SEMA3D: variants seen among roughly 807,000 people sequenced by gnomAD.
SEMA3D encodes semaphorin-3D.
In SEMA3D, 84 loss-of-function variants were observed where a neutral mutation model predicts 100.1. The ratio of observed to expected loss-of-function variants is 0.84; its 90% CI spans 0.70 to 1.01. The LOEUF (loss-of-function observed/expected upper bound fraction) is 1.01. Among genes scored for constraint, SEMA3D ranks in the 50% least tolerant of loss-of-function variants. The pLI is 0.00. For synonymous variants in SEMA3D, 312 were observed against 320.7 expected (o/e 0.97, Z 0.29); for missense variants, 875 against 934.1 (o/e 0.94, Z 0.82).
chr7:85,040,893 GT>G (rs1790841991), intron 10 of SEMA3D, 151 bp from the exon 11 acceptor site: 3 of 544,064 alleles, frequency 5.5e-6, no homozygotes, highest in Admixed American at 3.6e-5. Context: ...ATATAAGATT[GT>G]TTTTTCTCAA....
chr7:85,009,847 A>G (rs1789902658), intron 17 of SEMA3D, among the ~76,000 whole-genome samples: 1 of 151,860 alleles, frequency 6.6e-6, no homozygotes, highest in Non-Finnish European at 1.5e-5. Flanking sequence ...TAACACACTA[A>G]CATCATTTTA....
At chr7:85,166,442 TG>T (rs1443658008) in intron 1 of SEMA3D, among the ~76,000 whole-genome samples, 5 of 151,984 alleles carry the variant, frequency 3.3e-5, no homozygotes, top group African/African-American at 1.2e-4. Context: ...GAAAACTTGC[TG>T]AAGTGATTGG....
the SEMA3D span, among the ~76,000 whole-genome samples, chr7:85,228,787 G>C: frequency 1.4e-4 from 21 of 151,844 alleles, no homozygotes; most frequent in African/African-American, 4.3e-4. Context: ...AAAAGACATA[G>C]AGAGAAGAAA....
chr7:85,241,113 G>A, the SEMA3D span, among the ~76,000 whole-genome samples: 5 of 151,792 alleles, frequency 3.3e-5, no homozygotes, highest in Non-Finnish European at 4.4e-5. Flanking sequence ...AAACCACAAC[G>A]AAATACCACC....
intron 4 of SEMA3D, among the ~76,000 whole-genome samples, chr7:85,085,647 C>T (rs539471670): frequency 7.9e-5 from 12 of 152,078 alleles, no homozygotes; most frequent in East Asian, 1.9e-4. Context: ...AGAGAGTACA[C>T]GGGATGAAAT....
At chr7:85,176,068 T>TA (rs552572308) in intron 1 of SEMA3D, among the ~76,000 whole-genome samples, 6,859 of 151,442 alleles carry the variant, frequency 0.045, 233 homozygotes, top group Non-Finnish European at 0.064. Flanking sequence ...GATAGAAGTT[T>TA]AAAAAAAAGA....
At chr7:85,198,763 G>T in the SEMA3D span, among the ~76,000 whole-genome samples, 1 of 138,074 alleles carries the variant, frequency 7.2e-6, no homozygotes, top group African/African-American at 2.6e-5. Context: ...TTTATTAACT[G>T]GTTTAACTGT....
intron 2 of SEMA3D, among the ~76,000 whole-genome samples, chr7:85,147,109 T>C (rs1387918731): frequency 7.6e-6 from 1 of 131,096 alleles, no homozygotes; most frequent in African/African-American, 3.0e-5. Context: ...TTTTTTTTTT[T>C]TTTTTTTTTT....
At chr7:85,116,427 A>G (rs2116385047) in intron 3 of SEMA3D, among the ~76,000 whole-genome samples, 1 of 147,210 alleles carries the variant, frequency 6.8e-6, no homozygotes, top group Non-Finnish European at 1.5e-5. Flanking sequence ...ATAGGTATAT[A>G]TTTACATATG....
chr7:85,184,000 C>T (rs1247651162), intron 1 of SEMA3D, among the ~76,000 whole-genome samples: 5 of 151,136 alleles, frequency 3.3e-5, no homozygotes, highest in South Asian at 2.1e-4. Flanking sequence ...TTTTCCTTTA[C>T]GGACATTGTT....
At chr7:85,080,290 C>A (rs1400353159) in intron 5 of SEMA3D, among the ~76,000 whole-genome samples, 1 of 152,074 alleles carries the variant, frequency 6.6e-6, no homozygotes, top group Non-Finnish European at 1.5e-5. Flanking sequence ...TTTAGGATCT[C>A]TAAAAATATT....
chr7:85,235,013 C>T, the SEMA3D span, among the ~76,000 whole-genome samples: 1 of 152,212 alleles, frequency 6.6e-6, no homozygotes, highest in African/African-American at 2.4e-5. Context: ...TGCACTGGAG[C>T]TGACACAGGT....
At chr7:85,124,567 T>C (rs1213930468) in intron 2 of SEMA3D, among the ~76,000 whole-genome samples, 3 of 151,992 alleles carry the variant, frequency 2.0e-5, no homozygotes, top group African/African-American at 7.2e-5. Flanking sequence ...TATGATACGC[T>C]ATGCAAGATA....
chr7:85,076,279 A>G (rs1467079569), intron 5 of SEMA3D, among the ~76,000 whole-genome samples: 1 of 152,152 alleles, frequency 6.6e-6, no homozygotes, highest in Non-Finnish European at 1.5e-5. Flanking sequence ...GGAGAAGAAG[A>G]GAGAAAGAAC....
intron 12 of SEMA3D, chr7:85,027,703 C>A (rs775408313): frequency 1.0e-5 from 3 of 286,686 alleles, no homozygotes; most frequent in African/African-American, 2.3e-5. Flanking sequence ...ATGTTTTATG[C>A]GGCTTAATGT....
At chr7:85,122,349 C>T (rs1789450259) in intron 2 of SEMA3D, among the ~76,000 whole-genome samples, 1 of 152,014 alleles carries the variant, frequency 6.6e-6, no homozygotes, top group Non-Finnish European at 1.5e-5. Flanking sequence ...TTGTTTTACT[C>T]TTATAGAAAT....
chr7:85,006,722 A>G (rs112861525), intron 18 of SEMA3D, 80 bp downstream of exon 18: 1 of 1,134,048 alleles, frequency 8.8e-7, no homozygotes, highest in Admixed American at 2.5e-5. Context: ...TGAGAGTAGC[A>G]TACAGAATTA....
chr7:85,065,789 A>G (rs1791602386), intron 7 of SEMA3D, among the ~76,000 whole-genome samples: 1 of 152,238 alleles, frequency 6.6e-6, no homozygotes, highest in African/African-American at 2.4e-5. Flanking sequence ...TCTCTGAATT[A>G]ATAATTGCAC....
At chr7:85,042,754 G>A (rs1350606220) in intron 9 of SEMA3D, among the ~76,000 whole-genome samples, 1 of 152,038 alleles carries the variant, frequency 6.6e-6, no homozygotes, top group African/African-American at 2.4e-5. Flanking sequence ...CAAGATCATT[G>A]CCTCAAACTC....
Sources: allele counts gnomAD v4.1 joint callset (sites outside exome capture counted in the v4.1 genomes callset), GRCh38; gene constraint gnomAD v4.1.1; transcripts MANE v1.5; gene names NCBI Gene and HGNC (gene_info 2026-07-23, HGNC 2026-07-21).